The following NTM variants were observed in gnomAD, a reference collection of about 807,000 sequenced individuals.
NTM encodes the protein IgLON family member 2.
Under a neutral mutation model 42.1 loss-of-function variants are expected in NTM, and 13 were observed. The ratio of observed to expected loss-of-function variants is 0.31; its 90% CI spans 0.20 to 0.49. The LOEUF (loss-of-function observed/expected upper bound fraction) is 0.49, where lower values mean the gene tolerates loss of function less well. Among genes scored for constraint, NTM ranks in the 20% least tolerant of loss-of-function variants. The pLI, the probability that NTM is intolerant of heterozygous loss-of-function variation, is 0.99. For missense variants in NTM, 373 were observed against 452.8 expected, an observed-to-expected ratio of 0.82 and a Z score of 1.60; for synonymous variants, 187 against 179.2, an observed-to-expected ratio of 1.04 and a Z score of -0.35.
At position 131,859,574 on chromosome 11, in the gene NTM, C is replaced by T. The variant is rs537188158; in HGVS notation, c.83-51990C>T. 1.5e-3 allele frequency among the ~76,000 whole-genome samples: 229 copies of T among 152,278 alleles called. 1 individual carries two copies. Among genetic ancestry groups the T allele is most frequent in the Non-Finnish European group, 2.9e-3 (197 of 68,026 alleles). On this transcript the variant is annotated intron_variant, in intron 1 of 8. Coordinates refer to ENST00000683400, the MANE Select transcript of NTM (RefSeq NM_001352005.2). ...CACTTGTGTTCTTGAGACACATACT[C>T]GAGTGGGATCTTGGTTCCATTACTT...
At chr11:131,567,322 A>G (rs2056996710) in intron 1 of NTM, among the ~76,000 whole-genome samples, 1 of 152,094 alleles carries the variant, frequency 6.6e-6, no homozygotes, top group Non-Finnish European at 1.5e-5. Context: ...CCCCTTCTCT[A>G]CTAAAAATAC....
intron 1 of NTM, among the ~76,000 whole-genome samples, chr11:131,554,429 G>T (rs388951): frequency 0.61 from 92,862 of 151,872 alleles, 32,759 homozygotes; most frequent in East Asian, 0.96. Context: ...GAGACTTTTG[G>T]CAGGAAAAAT....
At chr11:132,219,879 T>TC (rs2084783360) in intron 4 of NTM, among the ~76,000 whole-genome samples, 1 of 152,182 alleles carries the variant, frequency 6.6e-6, no homozygotes, top group South Asian at 2.1e-4. Flanking sequence ...TTATTTTTTT[T>TC]CTGAAAAGAT....
intron 2 of NTM, among the ~76,000 whole-genome samples, chr11:131,939,741 G>A (rs185027353): frequency 2.0e-5 from 3 of 152,162 alleles, no homozygotes; most frequent in Admixed American, 6.5e-5. Flanking sequence ...TTTTCCAACA[G>A]GACAGTTGAG....
intron 1 of NTM, among the ~76,000 whole-genome samples, chr11:131,419,861 T>C (rs1591615561): frequency 6.6e-6 from 1 of 151,864 alleles, no homozygotes; most frequent in East Asian, 1.9e-4. Flanking sequence ...TAGACTGGAG[T>C]GAATGTGGGG....
chr11:131,484,773 C>T (rs1401750191), intron 1 of NTM, among the ~76,000 whole-genome samples: 3 of 152,130 alleles, frequency 2.0e-5, no homozygotes, highest in East Asian at 3.9e-4. Flanking sequence ...ACTCCTCATT[C>T]GTGCTGTGAA....
intron 1 of NTM, among the ~76,000 whole-genome samples, chr11:131,672,942 C>T (rs789536): frequency 0.011 from 65 of 6,026 alleles, 3 homozygotes; most frequent in African/African-American, 0.022. Context: ...GTGTTCCTTG[C>T]CTATTTCCCT....
intron 2 of NTM, among the ~76,000 whole-genome samples, chr11:132,112,669 G>T (rs1039529873): frequency 6.6e-6 from 1 of 150,386 alleles, no homozygotes; most frequent in Non-Finnish European, 1.5e-5. Flanking sequence ...GGCAAAACTT[G>T]GACCGAATGC....
intron 2 of NTM, among the ~76,000 whole-genome samples, chr11:132,014,597 C>T (rs1593730282): frequency 6.6e-6 from 1 of 151,820 alleles, no homozygotes; most frequent in Non-Finnish European, 1.5e-5. Context: ...AAGATGATAT[C>T]TTGTTGTGGT....
intron 1 of NTM, among the ~76,000 whole-genome samples, chr11:131,636,744 G>A (rs2064449244): frequency 6.6e-6 from 1 of 152,332 alleles, no homozygotes; most frequent in Admixed American, 6.5e-5. Flanking sequence ...CCTTGAGCAA[G>A]TGACTGTATG....
chr11:132,287,798 C>A (rs896623243), intron 4 of NTM, among the ~76,000 whole-genome samples: 5 of 152,158 alleles, frequency 3.3e-5, no homozygotes, highest in Non-Finnish European at 7.3e-5. Flanking sequence ...GCTTACATTG[C>A]ATGAGCTTAC....
At chr11:131,833,515 G>A (rs2043087909) in intron 1 of NTM, among the ~76,000 whole-genome samples, 2 of 152,338 alleles carry the variant, frequency 1.3e-5, no homozygotes. Flanking sequence ...AGGAATGGAA[G>A]ACACTCATGG....
chr11:131,760,814 G>A (rs2084048565), intron 1 of NTM, among the ~76,000 whole-genome samples: 1 of 152,170 alleles, frequency 6.6e-6, no homozygotes, highest in Non-Finnish European at 1.5e-5. Context: ...AGGGAGCTAA[G>A]GAAACCTGTT....
chr11:131,569,063 C>CA (rs1298862289), intron 1 of NTM, among the ~76,000 whole-genome samples: 1 of 152,174 alleles, frequency 6.6e-6, no homozygotes, highest in African/African-American at 2.4e-5. Flanking sequence ...CCTTAGGCAT[C>CA]TACTCCTGAA....
intron 1 of NTM, among the ~76,000 whole-genome samples, chr11:131,489,780 G>C (rs1158573165): frequency 6.6e-6 from 1 of 152,124 alleles, no homozygotes; most frequent in Non-Finnish European, 1.5e-5. Context: ...AATTTTACCT[G>C]GCCTTAGCCA....
At chr11:132,046,730 A>C (rs2078055029) in intron 2 of NTM, among the ~76,000 whole-genome samples, 1 of 152,086 alleles carries the variant, frequency 6.6e-6, no homozygotes, top group South Asian at 2.1e-4. Context: ...GATACAAGGC[A>C]CTCTTTAGAG....
chr11:132,271,684 A>C (rs1470154702), intron 4 of NTM, among the ~76,000 whole-genome samples: 1 of 150,414 alleles, frequency 6.6e-6, no homozygotes, highest in African/African-American at 2.4e-5. Flanking sequence ...TTGGCCATTC[A>C]TACATCTTTG....
At chr11:131,716,990 A>G (rs1222572835) in intron 1 of NTM, among the ~76,000 whole-genome samples, 1 of 151,922 alleles carries the variant, frequency 6.6e-6, no homozygotes, top group Non-Finnish European at 1.5e-5. Context: ...ACAGGCACAT[A>G]CCACTACACC....
chr11:132,327,075 A>G (rs2095698481), intron 7 of NTM, among the ~76,000 whole-genome samples: 1 of 152,128 alleles, frequency 6.6e-6, no homozygotes, highest in Non-Finnish European at 1.5e-5. Flanking sequence ...TCTGCAAACA[A>G]AACAGATTGC....
Sources: gnomAD v4.1 joint callset for allele counts (sites outside exome capture counted in the v4.1 genomes callset) on GRCh38, gnomAD v4.1.1 for gene constraint, MANE v1.5 for transcripts, NCBI Gene and HGNC (gene_info 2026-07-23, HGNC 2026-07-21) for gene names.